Variants in CYTH1 observed in about 807,000 individuals in gnomAD.
CYTH1 encodes the protein cytohesin 1.
In CYTH1, 18 loss-of-function variants were observed where a neutral mutation model predicts 61.8. The ratio of observed to expected loss-of-function variants is 0.29; its 90% CI spans 0.20 to 0.43. The LOEUF is 0.43. Among genes scored for constraint, CYTH1 ranks in the 20% least tolerant of loss-of-function variants. CYTH1 has a pLI of 1.00. For missense variants in CYTH1, 336 were observed against 510.5 expected (o/e 0.66, Z 3.29); for synonymous variants, 174 against 184.3 (o/e 0.94, Z 0.45).
intron 13 of CYTH1, 110 bp from the exon 14 acceptor site, chr17:78,676,279 C>T: frequency 1.9e-6 from 2 of 1,036,388 alleles, no homozygotes; most frequent in Non-Finnish European, 1.4e-6. Flanking sequence ...ACCTGTCCCA[C>T]CCCACCATCA....
chr17:78,754,162 G>A (rs902669975), intron 1 of CYTH1, among the ~76,000 whole-genome samples: 4 of 152,070 alleles, frequency 2.6e-5, no homozygotes, highest in African/African-American at 9.7e-5. Context: ...AGATAAACTC[G>A]GAAAGGAAAG....
chr17:78,776,781 TTGTC>T lies in CYTH1; in HGVS notation c.22+5417_22+5420del, dbSNP rs141056780. Among the ~76,000 whole-genome samples the T allele has an allele frequency of 5.7e-3, 868 of 152,052 alleles. 36 individuals carry two copies. In the East Asian group the frequency reaches 0.11, roughly 19 times the overall value. ...AATAGTATTTTCTTAAGTTAATGGT[TTGTC>T]TGGTGGGACTCCACAGTGCCATAAA... On this transcript the variant is annotated intron_variant, in intron 1 of 13. Coordinates refer to ENST00000446868, the MANE Select transcript of CYTH1 (RefSeq NM_004762.6).
In CYTH1 at chr17:78,702,613, C is replaced by T. The variant is rs757155704; in HGVS notation, c.171-9G>A. 3 of 1,614,066 alleles carry T rather than the reference C, an allele frequency of 1.9e-6. No individual in the cohort carries two copies. In the South Asian group the frequency reaches 3.3e-5, roughly 18 times the overall value. On this transcript the variant is annotated splice_polypyrimidine_tract_variant and intron_variant, in intron 3 of 13. Transcript: ENST00000446868. ...TCCTCTGCATGTTTTTCCTGTAAAA[C>T]AACCATCACAGCCATTTTAGTACTT...
At chr17:78,770,404 G>T (rs556002637) in intron 1 of CYTH1, among the ~76,000 whole-genome samples, 8 of 150,670 alleles carry the variant, frequency 5.3e-5, no homozygotes, top group South Asian at 2.1e-4. Flanking sequence ...AAATAGGCGG[G>T]TTTTTTTTGT....
rs368956320 is a variant in CYTH1, at chr17:78,702,256, A to G, written c.238-16T>C. On this transcript the variant is annotated splice_polypyrimidine_tract_variant and intron_variant, in intron 4 of 13. Coordinates refer to ENST00000446868, the MANE Select transcript of CYTH1 (RefSeq NM_004762.6). ...ACTGGATCCCCTAGAAAAAGACAAC[A>G]AAGACGCCAATGATGCTTTGCTGGG... is the stretch of plus-strand genomic sequence containing the variant. The G allele has an allele frequency of 6.3e-7, 1 of 1,593,008 alleles. No homozygotes were observed. The highest frequency in any genetic ancestry group is 2.2e-5 in the East Asian group (1 of 44,786).
chr17:78,728,332 G>A (rs1220646720), intron 1 of CYTH1, among the ~76,000 whole-genome samples: 3 of 152,136 alleles, frequency 2.0e-5, no homozygotes, highest in East Asian at 1.9e-4. Context: ...GATCACTTGA[G>A]GTCAGGAGTT....
intron 1 of CYTH1, among the ~76,000 whole-genome samples, chr17:78,715,410 T>C (rs1298302716): frequency 2.0e-5 from 3 of 152,074 alleles, no homozygotes; most frequent in Non-Finnish European, 4.4e-5. Flanking sequence ...GAGCAAGATG[T>C]GGATCAAGGA....
At chr17:78,702,101 G>T in intron 5 of CYTH1, 21 bp downstream of exon 5, 1 of 1,555,520 alleles carries the variant, frequency 6.4e-7, no homozygotes, top group Non-Finnish European at 8.9e-7. Flanking sequence ...CCTAGCATGC[G>T]CATAATCCCC....
Position 78,680,271 on chromosome 17 carries a change from C to A in CYTH1, c.1037G>T (p.Arg346Leu), listed in dbSNP as rs770347515. The A allele has an allele frequency of 6.2e-7, 1 of 1,614,182 alleles. No homozygotes were observed. Among genetic ancestry groups the A allele is most frequent in the South Asian group, 1.1e-5 (1 of 91,082 alleles). The change falls in exon 13 of 14, where the codon CGG becomes CTG. Residue 346 changes from arginine (R) to leucine (L), a missense_variant. Physicochemically the swap from Arg to Leu is moderately radical, Grantham distance 102. Around this residue, in one of 4 missense-constraint regions of CYTH1, gnomAD observed 83 missense variants for 115.6 expected, o/e 0.72. Coordinates refer to ENST00000446868, the MANE Select transcript of CYTH1 (RefSeq NM_004762.6). Reference protein sequence around the residue: ...IKACKTEADGRVVEGNHTVYR... With the variant: ...IKACKTEADGLVVEGNHTVYR... ...AACAGTGTGGTTCCCCTCCACCACC[C>A]GCCCGTCAGCCTCGGTCTTGCAGGC...
At chr17:78,779,506 T>G (rs572903944) in intron 1 of CYTH1, among the ~76,000 whole-genome samples, 6 of 151,704 alleles carry the variant, frequency 4.0e-5, no homozygotes, top group Non-Finnish European at 8.8e-5. Context: ...GTCCGGGTAC[T>G]AATCCCCAGA....
At position 78,702,104 on chromosome 17, in the gene CYTH1, T is replaced by C. The variant is rs199517819; in HGVS notation, c.356+18A>G. On this transcript the variant is annotated intron_variant, in intron 5 of 13. Transcript: ENST00000446868. Reference sequence around the variant, plus strand: ...TGAACAGCCTTCCCTAGCATGCGCATAATCCCCAAGGCCTTACCTCTCCCC... The same window carrying C: ...TGAACAGCCTTCCCTAGCATGCGCACAATCCCCAAGGCCTTACCTCTCCCC... 1 of 1,581,220 alleles carries C rather than the reference T, an allele frequency of 6.3e-7. No homozygotes were observed. Among genetic ancestry groups the C allele is most frequent in the African/African-American group, 1.3e-5 (1 of 74,200 alleles).
At chr17:78,738,453 G>C (rs2093329697) in intron 1 of CYTH1, among the ~76,000 whole-genome samples, 1 of 152,128 alleles carries the variant, frequency 6.6e-6, no homozygotes. Context: ...GGAAGTGCTA[G>C]ACTTTGGCCA....
chr17:78,684,193 TG>T (rs2092793089), intron 11 of CYTH1, among the ~76,000 whole-genome samples: 1 of 152,194 alleles, frequency 6.6e-6, no homozygotes. Context: ...CTGCAGAGCG[TG>T]GCCCTCCTCG....
intron 10 of CYTH1, 124 bp downstream of exon 10, chr17:78,695,883 G>A (rs1016632897): frequency 2.0e-4 from 263 of 1,299,382 alleles, no homozygotes; most frequent in Non-Finnish European, 2.7e-4. Flanking sequence ...CAATAAGTTA[G>A]AAGCAGCATT....
Position 78,714,859 on chromosome 17 carries a change from G to A in CYTH1, c.23-5127C>T, listed in dbSNP as rs368644262. 4.4e-4 allele frequency among the ~76,000 whole-genome samples: 66 copies of A among 151,566 alleles called. No individual in the cohort carries two copies. In the Middle Eastern group the frequency reaches 0.014, roughly 31 times the overall value. On this transcript the variant is annotated intron_variant, in intron 1 of 13. Coordinates refer to ENST00000446868, the MANE Select transcript of CYTH1 (RefSeq NM_004762.6). ...CCTAGAGCAAACAGAGATAATTAGG[G>A]GGAAAAAAGAAAGAAAAAAAAAACC... is the stretch of plus-strand genomic sequence containing the variant.
Position 78,702,558 on chromosome 17 carries a change from A to C in CYTH1, c.217T>G (p.Phe73Val), listed in dbSNP as rs773886609. The C allele has an allele frequency of 6.2e-7, 1 of 1,613,984 alleles. No homozygotes were observed. The highest frequency in any genetic ancestry group is 1.1e-5 in the South Asian group (1 of 91,070). The change falls in exon 4 of 14, where the codon TTT (phenylalanine) becomes GTT (valine). Residue 73 changes from phenylalanine to valine, a missense_variant. Physicochemically the swap from Phe to Val is conservative, Grantham distance 50 (BLOSUM62 -1). Around this residue, in one of 4 missense-constraint regions of CYTH1, gnomAD observed 112 missense variants for 127.1 expected, o/e 0.88. Transcript: ENST00000446868. ...CTTACCTTTTTAGGGTCCATATTAA[A>C]TTTTTTCCTGCCCATGGCTACCTGT... ...NKQVAMGRKK[F>V]NMDPKKGIQF...
At chr17:78,680,085 G>A (rs1034946671) in intron 13 of CYTH1, 105 bp downstream of exon 13, 10 of 1,448,318 alleles carry the variant, frequency 6.9e-6, no homozygotes, top group East Asian at 4.8e-5. Flanking sequence ...AGAACTTGGA[G>A]CACAGAAGAG....
intron 13 of CYTH1, 28 bp from the exon 14 acceptor site, chr17:78,676,197 A>G (rs775722019): frequency 3.1e-6 from 5 of 1,587,692 alleles, no homozygotes; most frequent in Non-Finnish European, 4.3e-6. Context: ...GAGAAAACAG[A>G]GACGTGAGGG....
At chr17:78,698,564 C>T (rs568381474) in intron 8 of CYTH1, among the ~76,000 whole-genome samples, 184 bp from the exon 9 acceptor site, 38 of 152,234 alleles carry the variant, frequency 2.5e-4, no homozygotes, top group Admixed American at 2.2e-3. Flanking sequence ...ATAAATAAGC[C>T]TTCCCAATTA....
Sources: gnomAD v4.1 joint callset for allele counts (sites outside exome capture counted in the v4.1 genomes callset) on GRCh38, gnomAD v4.1.1 for gene constraint, gnomAD v4.1.1 regional missense constraint, MANE v1.5 for transcripts, NCBI Gene and HGNC (gene_info 2026-07-23, HGNC 2026-07-21) for gene names.